Variants in LRRC7 observed in about 807,000 individuals in gnomAD.
LRRC7 encodes leucine-rich repeat-containing protein 7.
LRRC7 carries 23 observed loss-of-function variants against 175.7 expected under a neutral mutation model. The ratio of observed to expected loss-of-function variants is 0.13; its 90% CI spans 0.09 to 0.19. The LOEUF (loss-of-function observed/expected upper bound fraction) is 0.19. Ranked by LOEUF, LRRC7 falls within the 10% of genes least tolerant of loss-of-function variation. The pLI, the probability that LRRC7 is intolerant of heterozygous loss-of-function variation, is 1.00. For synonymous variants in LRRC7, 685 were observed against 680.9 expected (o/e 1.01, Z -0.09); for missense variants, 1,354 against 1,904.7 (o/e 0.71, Z 5.38).
At chr1:70,030,843 A>G (rs781683005) in intron 18 of LRRC7, among the ~76,000 whole-genome samples, 1 of 152,256 alleles carries the variant, frequency 6.6e-6, no homozygotes, top group Non-Finnish European at 1.5e-5. Context: ...CATTTTGCCA[A>G]CTAGATGCCA....
intron 8 of LRRC7, among the ~76,000 whole-genome samples, chr1:69,967,469 G>A (rs1375526647): frequency 2.0e-5 from 3 of 152,120 alleles, no homozygotes; most frequent in East Asian, 1.9e-4. Flanking sequence ...TCTTGAAAGC[G>A]CCACCTCTCA....
chr1:70,054,437 G>A (rs2102066285), intron 23 of LRRC7, among the ~76,000 whole-genome samples: 1 of 152,040 alleles, frequency 6.6e-6, no homozygotes, highest in East Asian at 1.9e-4. Context: ...GAAACCTATT[G>A]TTATAAGTAA....
chr1:69,776,124 C>T (rs1260294485), intron 3 of LRRC7, among the ~76,000 whole-genome samples: 1 of 152,126 alleles, frequency 6.6e-6, no homozygotes, highest in Non-Finnish European at 1.5e-5. Context: ...GGTTCTCAGC[C>T]TCAGTTTCTC....
At chr1:69,967,006 A>G (rs1460598902) in intron 8 of LRRC7, among the ~76,000 whole-genome samples, 1 of 152,162 alleles carries the variant, frequency 6.6e-6, no homozygotes, top group Non-Finnish European at 1.5e-5. Flanking sequence ...CAAGTTGGGG[A>G]AGAAAGAAAG....
rs893399445 is a variant in LRRC7, at chr1:70,130,784, G to A, written c.*8897G>A. On this transcript the variant is annotated 3_prime_UTR_variant, in exon 27 of 27. Coordinates refer to ENST00000651989, the MANE Select transcript of LRRC7 (RefSeq NM_001370785.2). ...TAAGCAATTTTTACAATTTGGATGT[G>A]GAGGGAAGAATAAAAGATGTCATGA... Among the ~76,000 whole-genome samples, 31 of 152,156 alleles carry A rather than the reference G, an allele frequency of 2.0e-4. No homozygotes were observed. Among genetic ancestry groups the A allele is most frequent in the African/African-American group, 7.5e-4 (31 of 41,428 alleles).
chr1:69,931,389 A>AC (rs1196685819), intron 7 of LRRC7, 118 bp from the exon 8 acceptor site: 1 of 705,316 alleles, frequency 1.4e-6, no homozygotes, highest in Non-Finnish European at 2.5e-6. Flanking sequence ...GCTGAAGAGT[A>AC]CCCCCAGTTT....
rs142920565 is a variant in LRRC7, at chr1:70,127,857, C to G, written c.*5970C>G. 1.2e-3 allele frequency among the ~76,000 whole-genome samples: 183 copies of G among 152,248 alleles called. No individual in the cohort carries two copies. Among genetic ancestry groups the G allele is most frequent in the African/African-American group, 4.3e-3 (177 of 41,546 alleles). On this transcript the variant is annotated 3_prime_UTR_variant, in exon 27 of 27. Transcript: ENST00000651989. Reference sequence around the variant, plus strand: ...GTTGGAACCACTATGTAGTCCTACCCAAAGACAAGGTCTGGGTCAAATTTC... The same window carrying G: ...GTTGGAACCACTATGTAGTCCTACCGAAAGACAAGGTCTGGGTCAAATTTC...
rs1274573375 is a variant in LRRC7 at position 70,125,959 on chromosome 1, A to C, written c.*4072A>C. ...TTTAATCATAAAATCTATTTAATAT[A>C]TATTTAATATCTATTAATATTTAAG... On this transcript the variant is annotated 3_prime_UTR_variant, in exon 27 of 27. Coordinates refer to ENST00000651989, the MANE Select transcript of LRRC7 (RefSeq NM_001370785.2). Among the ~76,000 whole-genome samples the C allele has an allele frequency of 6.6e-6, 1 of 151,734 alleles. No individual in the cohort carries two copies. The highest frequency in any genetic ancestry group is 2.4e-5 in the African/African-American group (1 of 41,374).
In LRRC7 at chr1:70,127,555, G is replaced by A. The variant is rs545235707; in HGVS notation, c.*5668G>A. 1.3e-5 allele frequency among the ~76,000 whole-genome samples: 2 copies of A among 152,348 alleles called. No homozygotes were observed. Among genetic ancestry groups the A allele is most frequent in the South Asian group, 4.1e-4 (2 of 4,828 alleles). ...GGAGAAAATTTACTGGTTAACTTCA[G>A]AGGCATTTCTTCAGCTGGTAGAGTC... On this transcript the variant is annotated 3_prime_UTR_variant, in exon 27 of 27. Coordinates refer to ENST00000651989, the MANE Select transcript of LRRC7 (RefSeq NM_001370785.2).
rs577058866 is a variant in LRRC7, at chr1:70,003,920, A to C, written c.1005-7877A>C. 5.3e-5 allele frequency among the ~76,000 whole-genome samples: 8 copies of C among 152,318 alleles called. No individual in the cohort carries two copies. The South Asian group carries it at 1.7e-3, about 32-fold the overall frequency. The stretch of plus-strand genomic sequence containing the variant: ...CAGTTGCAGATATGTTCACTAAAAA[A>C]TACTTTAAACAATATTTCACATTTG... On this transcript the variant is annotated intron_variant, in intron 11 of 26. Coordinates refer to ENST00000651989, the MANE Select transcript of LRRC7 (RefSeq NM_001370785.2).
At chr1:70,083,653 T>C (rs1354434785) in intron 24 of LRRC7, among the ~76,000 whole-genome samples, 1 of 152,222 alleles carries the variant, frequency 6.6e-6, no homozygotes, top group Non-Finnish European at 1.5e-5. Flanking sequence ...TCATCCTGGA[T>C]GTCTGATGAG....
intron 23 of LRRC7, among the ~76,000 whole-genome samples, chr1:70,055,808 T>A (rs2421320): frequency 0.13 from 19,538 of 152,120 alleles, 1,725 homozygotes; most frequent in African/African-American, 0.24. Context: ...CCTTCAACAC[T>A]TGGGGATTAC....
At chr1:70,070,160 A>AT (rs986829468) in intron 23 of LRRC7, among the ~76,000 whole-genome samples, 17 of 151,862 alleles carry the variant, frequency 1.1e-4, no homozygotes, top group Non-Finnish European at 1.5e-4. Context: ...CACCTGGCTA[A>AT]TTTTTTGTAT....
At chr1:69,808,290 A>G (rs968279471) in intron 4 of LRRC7, among the ~76,000 whole-genome samples, 17 of 151,750 alleles carry the variant, frequency 1.1e-4, no homozygotes. Flanking sequence ...ACAGAGACAT[A>G]AGACACCTAC....
intron 1 of LRRC7, among the ~76,000 whole-genome samples, chr1:69,626,180 T>A (rs1651492040): frequency 6.6e-6 from 1 of 152,150 alleles, no homozygotes. Flanking sequence ...ATTTCTAGGG[T>A]GTAACCCTCA....
chr1:69,588,050 T>C (rs1646474657), intron 1 of LRRC7, among the ~76,000 whole-genome samples: 1 of 152,172 alleles, frequency 6.6e-6, no homozygotes, highest in African/African-American at 2.4e-5. Context: ...CCAGAAATAC[T>C]GAAAAATTCC....
chr1:70,052,296 G>A (rs1660809719), intron 22 of LRRC7, among the ~76,000 whole-genome samples: 1 of 151,864 alleles, frequency 6.6e-6, no homozygotes, highest in Non-Finnish European at 1.5e-5. Flanking sequence ...AGACAGGCAG[G>A]TATTAGTATT....
intron 8 of LRRC7, among the ~76,000 whole-genome samples, chr1:69,959,994 C>T (rs779156441): frequency 5.6e-4 from 85 of 152,066 alleles, no homozygotes; most frequent in Non-Finnish European, 1.0e-3. Flanking sequence ...ATAATGCTGG[C>T]CTCATAGAAT....
At chr1:69,678,934 T>C (rs951872326) in intron 2 of LRRC7, among the ~76,000 whole-genome samples, 3 of 152,078 alleles carry the variant, frequency 2.0e-5, no homozygotes, top group African/African-American at 7.2e-5. Flanking sequence ...ATAATAGATA[T>C]CTGCCGGTAA....
Sources: allele counts gnomAD v4.1 joint callset (sites outside exome capture counted in the v4.1 genomes callset), GRCh38; gene constraint gnomAD v4.1.1; transcripts MANE v1.5; gene names NCBI Gene and HGNC (gene_info 2026-07-23, HGNC 2026-07-21).